The following GDAP1 variants were observed in gnomAD, a reference collection of about 807,000 sequenced individuals.
The protein encoded by GDAP1 is ganglioside-induced differentiation-associated protein 1.
In GDAP1, 34 loss-of-function variants were observed where a neutral mutation model predicts 40.1. The observed-to-expected ratio is 0.85, with a 90% CI of 0.64 to 1.13. The LOEUF (loss-of-function observed/expected upper bound fraction) is 1.13. Among genes scored for constraint, GDAP1 ranks in the 50% most tolerant of loss-of-function variants. The probability of loss-of-function intolerance (pLI) is 0.00; values close to 1 mark genes in which losing one functional copy is unlikely to be tolerated. For synonymous variants in GDAP1, 170 were observed against 157.4 expected (o/e 1.08, Z -0.60); for missense variants, 374 against 433.7 (o/e 0.86, Z 1.22).
At chr8:74,394,708 G>A (rs1005898778) in intron 2 of GDAP1, among the ~76,000 whole-genome samples, 1 of 152,126 alleles carries the variant, frequency 6.6e-6, no homozygotes, top group African/African-American at 2.4e-5. Context: ...ATGAGGTGGT[G>A]ACTCAGAGAG....
chr8:74,461,408 A>G (rs1244664009), intron 2 of GDAP1, among the ~76,000 whole-genome samples: 1 of 152,220 alleles, frequency 6.6e-6, no homozygotes, highest in Non-Finnish European at 1.5e-5. Context: ...TAATCATGAA[A>G]GACTGCATTG....
At chr8:74,397,824 G>T (rs1810235765) in intron 2 of GDAP1, among the ~76,000 whole-genome samples, 1 of 152,008 alleles carries the variant, frequency 6.6e-6, no homozygotes, top group Admixed American at 6.6e-5. Flanking sequence ...GCTTAGGATT[G>T]ACTTGGCGAT....
At chr8:74,464,809 C>T (rs191370635) in intron 2 of GDAP1, among the ~76,000 whole-genome samples, 41 of 152,228 alleles carry the variant, frequency 2.7e-4, no homozygotes, top group Admixed American at 9.2e-4. Context: ...CATATTCAAA[C>T]CTAAATACCT....
chr8:74,441,918 C>A (rs1806166933), intron 2 of GDAP1, among the ~76,000 whole-genome samples: 2 of 152,126 alleles, frequency 1.3e-5, no homozygotes, highest in Admixed American at 6.6e-5. Flanking sequence ...CCATATCCAC[C>A]TCTCCCCATG....
downstream of GDAP1, among the ~76,000 whole-genome samples, chr8:74,367,510 G>A (rs577834721): frequency 3.3e-5 from 5 of 151,468 alleles, no homozygotes; most frequent in Non-Finnish European, 5.9e-5. Flanking sequence ...ATCTAACTTC[G>A]TAGTCTGCTC....
chr8:74,381,625 A>G (rs1809954846), intron 2 of GDAP1, among the ~76,000 whole-genome samples: 1 of 151,920 alleles, frequency 6.6e-6, no homozygotes, highest in Non-Finnish European at 1.5e-5. Context: ...ACGTGGTGGC[A>G]GGTGCCTGTA....
At chr8:74,395,958 TAAA>T (rs1042677411) in intron 2 of GDAP1, among the ~76,000 whole-genome samples, 3 of 152,166 alleles carry the variant, frequency 2.0e-5, no homozygotes, top group Non-Finnish European at 2.9e-5. Context: ...ACGGTGAAGT[TAAA>T]AAGGAAAACA....
At chr8:74,390,106 TC>T (rs1810084425) in intron 2 of GDAP1, among the ~76,000 whole-genome samples, 1 of 152,206 alleles carries the variant, frequency 6.6e-6, no homozygotes, top group African/African-American at 2.4e-5. Context: ...GTTCTTAGCC[TC>T]CTTGCATTGG....
At position 74,417,614 on chromosome 8, in the gene GDAP1, G is replaced by C. The variant is rs926645761; in HGVS notation, c.165+66293G>C. On this transcript the variant is annotated intron_variant, in intron 2 of 2. Coordinates refer to the GDAP1 transcript ENST00000523640. The stretch of plus-strand genomic sequence containing the variant: ...TGTACTAAAAATACAAAAATTAGCT[G>C]GGTGTGGTGGCACACACCTGTAAGC... 1.2e-4 allele frequency among the ~76,000 whole-genome samples: 18 copies of C among 149,478 alleles called. 2 individuals carry two copies. Among genetic ancestry groups the C allele is most frequent in the African/African-American group, 1.8e-4 (7 of 38,986 alleles).
At chr8:74,461,448 CTAGG>C (rs1806399388) in intron 2 of GDAP1, among the ~76,000 whole-genome samples, 1 of 152,132 alleles carries the variant, frequency 6.6e-6, no homozygotes. Flanking sequence ...TATTGAGGAG[CTAGG>C]TCTTTTAAGA....
intron 2 of GDAP1, among the ~76,000 whole-genome samples, chr8:74,404,577 T>C (rs1805614476): frequency 6.7e-6 from 1 of 149,820 alleles, no homozygotes; most frequent in Non-Finnish European, 1.5e-5. Context: ...GAGTGAAGAC[T>C]CCAGAAGCAA....
rs1031666061 is a variant in GDAP1 at position 74,401,789 on chromosome 8, G to T, written c.165+50468G>T. 5.2e-4 allele frequency among the ~76,000 whole-genome samples: 78 copies of T among 150,166 alleles called. 12 individuals carry two copies. The highest frequency in any genetic ancestry group is 2.0e-3 in the African/African-American group (77 of 39,466). ...CTTCTAACAGACAGGACCCTGAGCT[G>T]CAGGTCTGTTGGAGTTTGCTAGAGG... On this transcript the variant is annotated intron_variant, in intron 2 of 2. Coordinates refer to the GDAP1 transcript ENST00000523640.
intron 2 of GDAP1, among the ~76,000 whole-genome samples, chr8:74,431,855 G>A (rs1306510976): frequency 6.6e-6 from 1 of 152,108 alleles, no homozygotes; most frequent in Non-Finnish European, 1.5e-5. Flanking sequence ...TTTGAATTTT[G>A]TACCACCACT....
intron 2 of GDAP1, among the ~76,000 whole-genome samples, chr8:74,397,820 G>T (rs540873357): frequency 6.6e-6 from 1 of 152,136 alleles, no homozygotes; most frequent in Non-Finnish European, 1.5e-5. Flanking sequence ...TTTGGCTTAG[G>T]ATTGACTTGG....
At chr8:74,386,531 TC>T (rs931019228) in intron 2 of GDAP1, among the ~76,000 whole-genome samples, 35 of 152,158 alleles carry the variant, frequency 2.3e-4, no homozygotes, top group African/African-American at 8.2e-4. Flanking sequence ...TTTGTTCTGT[TC>T]CATTGCTCTA....
At chr8:74,421,057 T>TGAAA (rs1554553702) in intron 2 of GDAP1, among the ~76,000 whole-genome samples, 1 of 151,922 alleles carries the variant, frequency 6.6e-6, no homozygotes, top group Non-Finnish European at 1.5e-5. Context: ...GATAGATAGA[T>TGAAA]GATAGATAGA....
intron 2 of GDAP1, among the ~76,000 whole-genome samples, chr8:74,421,749 C>T (rs1805860119): frequency 6.6e-6 from 1 of 152,088 alleles, no homozygotes; most frequent in African/African-American, 2.4e-5. Flanking sequence ...GCGGTTGGTC[C>T]TACCTTTGCC....
intron 2 of GDAP1, among the ~76,000 whole-genome samples, chr8:74,397,832 G>A (rs1377113639): frequency 2.0e-5 from 3 of 151,806 alleles, no homozygotes; most frequent in South Asian, 2.1e-4. Flanking sequence ...TTGACTTGGC[G>A]ATGCGGGCTC....
chr8:74,428,984 G>A (rs938736335), intron 2 of GDAP1, among the ~76,000 whole-genome samples: 2 of 150,554 alleles, frequency 1.3e-5, no homozygotes, highest in Admixed American at 6.7e-5. Context: ...TTGTCCTTGC[G>A]ATAGTTTGCT....
Sources: allele counts gnomAD v4.1 joint callset (sites outside exome capture counted in the v4.1 genomes callset), GRCh38; gene constraint gnomAD v4.1.1; transcripts MANE v1.5; gene names NCBI Gene and HGNC (gene_info 2026-07-23, HGNC 2026-07-21).